ZNF654: variants seen among roughly 807,000 people sequenced by gnomAD.
ZNF654 encodes zinc finger protein 654, also known as melanoma-associated antigen.
A neutral mutation model predicts 95.3 loss-of-function variants in ZNF654; 19 were observed. The observed-to-expected ratio is 0.20, with a 90% CI of 0.14 to 0.29. The LOEUF (loss-of-function observed/expected upper bound fraction) is 0.29. Ranked by LOEUF, ZNF654 falls within the 10% of genes least tolerant of loss-of-function variation. The pLI is 1.00. For missense variants in ZNF654, 1,046 were observed against 1,341.0 expected, an observed-to-expected ratio of 0.78 and a Z score of 3.44; for synonymous variants, 413 against 457.9, an observed-to-expected ratio of 0.90 and a Z score of 1.25.
intron 1 of ZNF654, among the ~76,000 whole-genome samples, chr3:88,079,317 T>C (rs910768203): frequency 1.3e-5 from 2 of 152,202 alleles, no homozygotes; most frequent in South Asian, 2.1e-4. Flanking sequence ...ACTGAAAATT[T>C]TGTAGACTAT....
intron 2 of ZNF654, among the ~76,000 whole-genome samples, chr3:88,090,275 T>C (rs991124131): frequency 4.6e-5 from 7 of 152,290 alleles, no homozygotes; most frequent in Middle Eastern, 6.8e-3. Context: ...AGAACTTCCA[T>C]TGTGACAAGA....
intron 6 of ZNF654, among the ~76,000 whole-genome samples, chr3:88,133,908 AGGAAT>A (rs1706611793): frequency 6.6e-6 from 1 of 152,138 alleles, no homozygotes; most frequent in South Asian, 2.1e-4. Flanking sequence ...ACCAGAATAG[AGGAAT>A]GTTTAGTGTC....
chr3:88,107,578 C>T (rs1048818898), intron 2 of ZNF654, among the ~76,000 whole-genome samples: 7 of 152,076 alleles, frequency 4.6e-5, no homozygotes, highest in African/African-American at 1.7e-4. Flanking sequence ...AATGTCTTTG[C>T]CACATTTCTT....
Position 88,139,352 on chromosome 3 carries a change from G to C in ZNF654, c.1683G>C (p.Arg561Ser). The change falls in exon 8 of 9, where the codon AGG (arginine) becomes AGC (serine). Residue 561 changes from arginine (R) to serine (S), a missense_variant. Physicochemically the swap from Arg to Ser is moderately radical, Grantham distance 110. Around this residue, in one of 9 missense-constraint regions of ZNF654, gnomAD observed 100 missense variants for 108.9 expected, o/e 0.92. Coordinates refer to ENST00000636215, the MANE Select transcript of ZNF654 (RefSeq NM_001350134.2). ...AATTTTTAGGTGGTCACATTGTAAG[G>C]CATGCCCAGGCTCATCAGAAAAAAG... ...NKEFLGGHIV[R>S]HAQAHQKKGS... 6.2e-7 allele frequency: 1 copy of C among 1,611,892 alleles called. No homozygotes were observed. The highest frequency in any genetic ancestry group is 8.5e-7 in the Non-Finnish European group (1 of 1,179,160).
rs1395034348 is a variant in ZNF654, at chr3:88,059,479, C to T, written c.160C>T (p.Arg54Trp). The change falls in exon 1 of 9, where the codon CGG (arginine) becomes TGG (tryptophan). Residue 54 changes from arginine (R) to tryptophan (W), a missense_variant. By Grantham distance (101) the Arg-to-Trp change is moderately radical (BLOSUM62 -3). Coordinates refer to ENST00000636215, the MANE Select transcript of ZNF654 (RefSeq NM_001350134.2). ...CGGCGGCGGCGTCGGAATCAGCAGT[C>T]GGGATTACTGCCGACGCTTCTGTCA... ...NCGGGVGISS[R>W]DYCRRFCQVV... 5 of 1,514,044 alleles carry T rather than the reference C, an allele frequency of 3.3e-6. No individual in the cohort carries two copies. Among genetic ancestry groups the T allele is most frequent in the Admixed American group, 4.4e-5 (2 of 45,904 alleles). The allele number at this position is 1,514,044 out of a possible 1,614,324, so 93.8% of individuals were successfully genotyped here.
intron 1 of ZNF654, among the ~76,000 whole-genome samples, chr3:88,083,376 GAT>G (rs1340773832): frequency 2.6e-5 from 4 of 152,142 alleles, no homozygotes; most frequent in African/African-American, 9.7e-5. Flanking sequence ...GGTTAATTAA[GAT>G]ATGACATTTT....
intron 1 of ZNF654, among the ~76,000 whole-genome samples, chr3:88,065,953 T>G (rs1288559626): frequency 6.6e-6 from 1 of 152,302 alleles, no homozygotes; most frequent in East Asian, 1.9e-4. Context: ...CAGGCTGGTC[T>G]TAACTCCTGA....
At chr3:88,094,720 AT>A (rs1164089700) in intron 2 of ZNF654, among the ~76,000 whole-genome samples, 12 of 152,054 alleles carry the variant, frequency 7.9e-5, no homozygotes, top group Admixed American at 7.9e-4. Context: ...GTACATTTGA[AT>A]TTTTTTATTT....
At chr3:88,134,314 TTTA>T (rs1335232738) in intron 6 of ZNF654, among the ~76,000 whole-genome samples, 2 of 152,106 alleles carry the variant, frequency 1.3e-5, no homozygotes, top group Non-Finnish European at 2.9e-5. Context: ...GCTCATCACT[TTTA>T]AAAAATATTT....
intron 1 of ZNF654, among the ~76,000 whole-genome samples, chr3:88,065,572 T>G (rs971710446): frequency 1.3e-5 from 2 of 152,164 alleles, no homozygotes; most frequent in African/African-American, 2.4e-5. Context: ...TACCAAAGTG[T>G]TGTTAACTTT....
Position 88,140,417 on chromosome 3 carries a change from A to G in ZNF654, c.2748A>G (p.Lys916=). The G allele has an allele frequency of 6.2e-7, 1 of 1,613,422 alleles. No homozygotes were observed. The highest frequency in any genetic ancestry group is 2.2e-5 in the East Asian group (1 of 44,870). The part of the protein sequence containing the change: ...QTISLPVSTS[K]SRKESTEPKT... ...TTAGTCTGCCAGTTTCTACTAGCAA[A>G]TCAAGGAAAGAGTCTACAGAACCAA... The change falls in exon 8 of 9, where the codon AAA becomes AAG. Residue 916 remains lysine (K), a synonymous_variant. Transcript: ENST00000636215.
chr3:88,113,767 C>T (rs1176460017), intron 3 of ZNF654, among the ~76,000 whole-genome samples: 3 of 151,764 alleles, frequency 2.0e-5, no homozygotes, highest in African/African-American at 7.3e-5. Flanking sequence ...TGAGCTCCCC[C>T]TAGGGGTGAA....
At chr3:88,088,240 G>A (rs1463893122) in intron 2 of ZNF654, among the ~76,000 whole-genome samples, 1 of 151,980 alleles carries the variant, frequency 6.6e-6, no homozygotes, top group Non-Finnish European at 1.5e-5. Flanking sequence ...ATGCTCATAG[G>A]GCTCCCAATT....
At chr3:88,095,715 C>A in intron 2 of ZNF654, 1 of 396,280 alleles carries the variant, frequency 2.5e-6, no homozygotes, top group Non-Finnish European at 4.8e-6. Context: ...TTCTTTGCTA[C>A]TTTTTGACTT....
rs111249339 is a variant in ZNF654 at position 88,142,558 on chromosome 3, T to C, written c.*906T>C. ...TTCTGTTTGTGTATATGTTGGGACA[T>C]TGCTTGATGATTCATAGTAAGGTCC... On this transcript the variant is annotated 3_prime_UTR_variant, in exon 9 of 9. Coordinates refer to ENST00000636215, the MANE Select transcript of ZNF654 (RefSeq NM_001350134.2). 1.9e-3 allele frequency: 290 copies of C among 151,416 alleles called. 1 individual carries two copies. The highest frequency in any genetic ancestry group is 6.9e-3 in the African/African-American group (280 of 40,562). The allele number at this position is 151,416 out of a possible 1,614,324, so 9.4% of individuals were successfully genotyped here.
chr3:88,098,910 C>T (rs1427527339), intron 2 of ZNF654, among the ~76,000 whole-genome samples: 1 of 152,158 alleles, frequency 6.6e-6, no homozygotes, highest in African/African-American at 2.4e-5. Flanking sequence ...GAAGTATTCC[C>T]TTTGAAAGCT....
rs1417835638 is a variant in ZNF654, at chr3:88,136,790, T to C, written c.1035+1588T>C. Among the ~76,000 whole-genome samples, 3 of 152,112 alleles carry C rather than the reference T, an allele frequency of 2.0e-5. No homozygotes were observed. In the East Asian group the frequency reaches 5.8e-4, roughly 29 times the overall value. On this transcript the variant is annotated intron_variant, in intron 7 of 8. Transcript: ENST00000636215. ...TGAACAAATTGAAAATTCATAAATA[T>C]CCTGGAACCATCAAAAGATTTCAGG...
intron 1 of ZNF654, among the ~76,000 whole-genome samples, chr3:88,075,404 G>C (rs1200481301): frequency 6.6e-6 from 1 of 152,044 alleles, no homozygotes; most frequent in Non-Finnish European, 1.5e-5. Flanking sequence ...GAAAGTTCTA[G>C]GCCTATCATA....
chr3:88,137,227 A>G (rs1160643911), intron 7 of ZNF654, among the ~76,000 whole-genome samples: 1 of 148,700 alleles, frequency 6.7e-6, no homozygotes, highest in Admixed American at 6.7e-5. Flanking sequence ...AAGGATGTAG[A>G]TAGAAGTATG....
Sources: gnomAD v4.1 joint callset for allele counts (sites outside exome capture counted in the v4.1 genomes callset) on GRCh38, gnomAD v4.1.1 for gene constraint, gnomAD v4.1.1 regional missense constraint, MANE v1.5 for transcripts, NCBI Gene and HGNC (gene_info 2026-07-23, HGNC 2026-07-21) for gene names.